The following MAP2K5 variants were observed in gnomAD, a reference collection of about 807,000 sequenced individuals.
MAP2K5 encodes the protein mitogen-activated protein kinase kinase 5.
In MAP2K5, 49 loss-of-function variants were observed where a neutral mutation model predicts 83.1. The observed-to-expected ratio is 0.59, with a 90% CI of 0.47 to 0.75. The LOEUF (loss-of-function observed/expected upper bound fraction) is 0.75, where lower values mean the gene tolerates loss of function less well. Ranked by LOEUF, MAP2K5 falls within the 30% of genes least tolerant of loss-of-function variation. The pLI, the probability that MAP2K5 is intolerant of heterozygous loss-of-function variation, is 0.00. For synonymous variants in MAP2K5, 202 were observed against 191.8 expected, an observed-to-expected ratio of 1.05 and a Z score of -0.44; for missense variants, 457 against 557.5, an observed-to-expected ratio of 0.82 and a Z score of 1.82.
At chr15:67,653,768 A>G (rs749581128) in intron 11 of MAP2K5, among the ~76,000 whole-genome samples, 4 of 151,886 alleles carry the variant, frequency 2.6e-5, no homozygotes, top group Non-Finnish European at 5.9e-5. Context: ...TAAGGTAGCA[A>G]GTTAGGATAT....
intron 6 of MAP2K5, among the ~76,000 whole-genome samples, chr15:67,588,466 G>A (rs1209963605): frequency 6.6e-6 from 1 of 152,160 alleles, no homozygotes; most frequent in East Asian, 1.9e-4. Context: ...TATTGTAGTA[G>A]TGAGCACATT....
At chr15:67,725,395 C>A (rs549472944) in intron 16 of MAP2K5, among the ~76,000 whole-genome samples, 1 of 152,190 alleles carries the variant, frequency 6.6e-6, no homozygotes, top group Non-Finnish European at 1.5e-5. Flanking sequence ...TATCTCACTC[C>A]GTTTTAAGCC....
intron 13 of MAP2K5, among the ~76,000 whole-genome samples, chr15:67,684,826 A>G (rs2087911903): frequency 6.6e-6 from 1 of 152,226 alleles, no homozygotes; most frequent in Non-Finnish European, 1.5e-5. Context: ...CATTGATGGA[A>G]TTAACTGAAT....
At chr15:67,597,137 C>T (rs111970649) in intron 7 of MAP2K5, among the ~76,000 whole-genome samples, 45 of 151,372 alleles carry the variant, frequency 3.0e-4, no homozygotes, top group African/African-American at 1.0e-3. Context: ...TCACTGCACT[C>T]CAGCCTGGGC....
rs2086786492 is a variant in MAP2K5, at chr15:67,644,467, A to G, written c.586-1764A>G. ...CTGACATGCTTAGTAGAATTTGAAC[A>G]GTATGGTCTTCTTTCTTAAAAAAAT... On this transcript the variant is annotated intron_variant, in intron 9 of 21. Transcript: ENST00000178640. This position sits in a 1 kb window ranked among gnomAD's most constrained non-coding sequence, Gnocchi z 4.6. 6.6e-6 allele frequency among the ~76,000 whole-genome samples: 1 copy of G among 152,198 alleles called. No homozygotes were observed. The highest frequency in any genetic ancestry group is 6.5e-5 in the Admixed American group (1 of 15,270).
intron 12 of MAP2K5, among the ~76,000 whole-genome samples, chr15:67,661,554 T>C (rs1285179719): frequency 6.6e-6 from 1 of 152,172 alleles, no homozygotes; most frequent in Non-Finnish European, 1.5e-5. Context: ...AATTTACATG[T>C]TTCTAAAGGA....
rs975875086 is a variant in MAP2K5, at chr15:67,781,880, A to G, written c.1242+9128A>G. 1.3e-5 allele frequency among the ~76,000 whole-genome samples: 2 copies of G among 152,222 alleles called. No individual in the cohort carries two copies. Among genetic ancestry groups the G allele is most frequent in the Non-Finnish European group, 2.9e-5 (2 of 68,036 alleles). On this transcript the variant is annotated intron_variant, in intron 21 of 21. Coordinates refer to ENST00000178640, the MANE Select transcript of MAP2K5 (RefSeq NM_145160.3). The surrounding 1 kb of genome is among the most constrained non-coding windows in gnomAD (Gnocchi z 4.0). ...TTTCTAATTGTGGGATTGGTGTGGCATTGACAAAAATTTGTATAAATAGGG... is the reference window on the plus strand; with the variant it reads ...TTTCTAATTGTGGGATTGGTGTGGCGTTGACAAAAATTTGTATAAATAGGG...
intron 19 of MAP2K5, among the ~76,000 whole-genome samples, chr15:67,767,054 G>A (rs2090053726): frequency 6.6e-6 from 1 of 152,134 alleles, no homozygotes; most frequent in Non-Finnish European, 1.5e-5. Flanking sequence ...GCTGGCTGTG[G>A]TTCTGCAAAG....
At chr15:67,703,511 A>G (rs754011019) in intron 16 of MAP2K5, 103 bp downstream of exon 16, 8 of 919,346 alleles carry the variant, frequency 8.7e-6, no homozygotes, top group South Asian at 6.0e-5. Context: ...AACCTTCAGC[A>G]TGTTATATAG....
intron 13 of MAP2K5, among the ~76,000 whole-genome samples, chr15:67,671,786 A>G (rs533789144): frequency 3.4e-5 from 5 of 146,484 alleles, no homozygotes; most frequent in Admixed American, 3.4e-4. Context: ...AGCATTAGGT[A>G]TATCTCCTAA....
chr15:67,703,321 T>G lies in MAP2K5; in HGVS notation c.973-16T>G. ...AGCATCCGTCCACTCACAGGCTCCC[T>G]TCTGATTTCTTGCAGCCTGAAAGGA... On this transcript the variant is annotated splice_polypyrimidine_tract_variant and intron_variant, in intron 15 of 21. Transcript: ENST00000178640. 1 of 1,606,620 alleles carries G rather than the reference T, an allele frequency of 6.2e-7. No homozygotes were observed. The highest frequency in any genetic ancestry group is 8.5e-7 in the Non-Finnish European group (1 of 1,173,428).
At chr15:67,797,999 T>A (rs548821932) in intron 21 of MAP2K5, among the ~76,000 whole-genome samples, 1 of 152,272 alleles carries the variant, frequency 6.6e-6, no homozygotes, top group African/African-American at 2.4e-5. Flanking sequence ...GTTTTCTTAC[T>A]CAAGAGGTAA....
chr15:67,548,225 G>A (rs1002521975), intron 1 of MAP2K5, among the ~76,000 whole-genome samples: 7 of 152,178 alleles, frequency 4.6e-5, no homozygotes, highest in East Asian at 3.9e-4. Context: ...TCTCAAGATC[G>A]GAGTTTCCTG....
chr15:67,797,002 G>A (rs971315508), intron 21 of MAP2K5, among the ~76,000 whole-genome samples: 3 of 152,204 alleles, frequency 2.0e-5, no homozygotes, highest in African/African-American at 7.2e-5. Flanking sequence ...CCCCAGGGAG[G>A]CTGGGAGTGC....
chr15:67,543,156 C>T lies in MAP2K5; in HGVS notation c.-180C>T, dbSNP rs1164004436. The T allele has an allele frequency of 1.3e-5, 8 of 631,150 alleles. No individual in the cohort carries two copies. The highest frequency in any genetic ancestry group is 2.8e-5 in the East Asian group (1 of 36,222). 39.1% of individuals were successfully genotyped at this position (631,150 alleles called of 1,614,324 possible). On this transcript the variant is annotated 5_prime_UTR_variant, in exon 1 of 22. Transcript: ENST00000178640. This position sits in a 1 kb window ranked among gnomAD's most constrained non-coding sequence, Gnocchi z 4.3. Reference sequence around the variant, plus strand: ...AGACCCCCGACAGCCTGGGCAGGCTCGGTGCCTGCGGGTGCGTTCCTGATC... The same window carrying T: ...AGACCCCCGACAGCCTGGGCAGGCTTGGTGCCTGCGGGTGCGTTCCTGATC...
intron 21 of MAP2K5, among the ~76,000 whole-genome samples, chr15:67,791,398 G>A (rs984384200): frequency 6.6e-6 from 1 of 152,144 alleles, no homozygotes; most frequent in African/African-American, 2.4e-5. Flanking sequence ...GACCTGTGAA[G>A]GCCAAGAACC....
At chr15:67,765,529 A>G (rs1313131621) in intron 19 of MAP2K5, among the ~76,000 whole-genome samples, 1 of 152,208 alleles carries the variant, frequency 6.6e-6, no homozygotes, top group African/African-American at 2.4e-5. Context: ...GATTATTCTA[A>G]AGCCAAGATA....
intron 1 of MAP2K5, among the ~76,000 whole-genome samples, chr15:67,547,510 C>G (rs946283005): frequency 6.9e-6 from 1 of 144,658 alleles, no homozygotes; most frequent in Non-Finnish European, 1.5e-5. Flanking sequence ...GGCTGGAATG[C>G]AGTGGCGTGA....
chr15:67,613,187 T>C (rs2141049296), intron 8 of MAP2K5, among the ~76,000 whole-genome samples: 1 of 152,326 alleles, frequency 6.6e-6, no homozygotes, highest in South Asian at 2.1e-4. Flanking sequence ...ATTAAAGTTG[T>C]CTTATTTTCA....
Sources: allele counts gnomAD v4.1 joint callset (sites outside exome capture counted in the v4.1 genomes callset), GRCh38; gene constraint gnomAD v4.1.1; non-coding constraint Gnocchi (gnomAD v3.1); transcripts MANE v1.5; gene names NCBI Gene and HGNC (gene_info 2026-07-23, HGNC 2026-07-21).